Variants in ADAM19 observed in about 807,000 individuals in gnomAD.
ADAM19 encodes ADAM metallopeptidase domain 19.
Under a neutral mutation model 114.7 loss-of-function variants are expected in ADAM19, and 65 were observed. That is an observed-to-expected ratio of 0.57 (90% CI 0.46 to 0.70). The LOEUF is 0.70. ADAM19 is among the 30% of genes least tolerant of loss of function. The pLI is 0.00. For synonymous variants in ADAM19, 466 were observed against 460.5 expected, an observed-to-expected ratio of 1.01 and a Z score of -0.15; for missense variants, 1,063 against 1,204.7, an observed-to-expected ratio of 0.88 and a Z score of 1.74.
At chr5:157,516,852 A>T (rs1581320286) in intron 7 of ADAM19, among the ~76,000 whole-genome samples, 1 of 152,162 alleles carries the variant, frequency 6.6e-6, no homozygotes, top group East Asian at 1.9e-4. Context: ...GCTGGCTTTT[A>T]AACCAGCTTT....
chr5:157,486,601 C>A (rs1754941125), intron 21 of ADAM19, among the ~76,000 whole-genome samples: 1 of 152,102 alleles, frequency 6.6e-6, no homozygotes, highest in African/African-American at 2.4e-5. Flanking sequence ...AGGGGTGAGG[C>A]TGGCCCCGTG....
At chr5:157,481,991 A>G in intron 21 of ADAM19, 48 bp from the exon 22 acceptor site, 1 of 1,425,530 alleles carries the variant, frequency 7.0e-7, no homozygotes, top group South Asian at 1.4e-5. Flanking sequence ...GGCCTGTTTG[A>G]AAGAAAATAT....
chr5:157,569,185 T>C (rs1212608635), intron 2 of ADAM19: 1 of 151,976 alleles, frequency 6.6e-6, no homozygotes, highest in Non-Finnish European at 1.5e-5. Flanking sequence ...ATGAATTCCA[T>C]GCGTTTACTG....
In ADAM19 at chr5:157,480,721, A is replaced by G. The variant is rs1402345987; in HGVS notation, c.*228T>C. The G allele has an allele frequency of 1.5e-6, 2 of 1,378,704 alleles. No individual in the cohort carries two copies. Among genetic ancestry groups the G allele is most frequent in the African/African-American group, 2.9e-5 (2 of 68,186 alleles). The allele number at this position is 1,378,704 out of a possible 1,614,324, so 85.4% of individuals were successfully genotyped here. A position where few individuals can be genotyped will look rare whatever the true frequency, so the allele number is the denominator to read the frequency against. Reference sequence around the variant, plus strand: ...CTCCCCTCCCTACCTGGGGCTGTATATTGCACAAAACAACACCTAGAGGCC... The same window carrying G: ...CTCCCCTCCCTACCTGGGGCTGTATGTTGCACAAAACAACACCTAGAGGCC... On this transcript the variant is annotated 3_prime_UTR_variant, in exon 23 of 23. Transcript: ENST00000257527.
At chr5:157,570,751 G>A (rs2113801351) in intron 2 of ADAM19, 144 bp downstream of exon 2, 1 of 626,682 alleles carries the variant, frequency 1.6e-6, no homozygotes, top group South Asian at 2.0e-5. Flanking sequence ...TCCCATCTGT[G>A]ATCTCCAAAA....
chr5:157,522,480 C>T (rs2113744697), intron 5 of ADAM19, among the ~76,000 whole-genome samples: 1 of 152,278 alleles, frequency 6.6e-6, no homozygotes, highest in South Asian at 2.1e-4. Context: ...CCTTCCACTG[C>T]CTCAATCATG....
At chr5:157,559,804 G>A (rs1427192891) in intron 3 of ADAM19, among the ~76,000 whole-genome samples, 1 of 152,154 alleles carries the variant, frequency 6.6e-6, no homozygotes, top group Non-Finnish European at 1.5e-5. Context: ...GCCTGAACCT[G>A]CGGGTTCTGA....
intron 1 of ADAM19, among the ~76,000 whole-genome samples, chr5:157,573,741 GA>G (rs72337429): frequency 0.015 from 1,949 of 128,684 alleles, 30 homozygotes; most frequent in African/African-American, 0.036. Context: ...TAGAGACTCT[GA>G]AAAAAAAAAA....
intron 13 of ADAM19, among the ~76,000 whole-genome samples, chr5:157,498,143 C>A (rs1326474454): frequency 6.6e-6 from 1 of 152,224 alleles, no homozygotes; most frequent in Non-Finnish European, 1.5e-5. Flanking sequence ...CTCCCCTGCT[C>A]CTGGGCCACT....
intron 21 of ADAM19, among the ~76,000 whole-genome samples, chr5:157,484,142 T>A (rs1474358753): frequency 6.6e-6 from 1 of 152,174 alleles, no homozygotes; most frequent in Middle Eastern, 3.2e-3. Flanking sequence ...GACTACCTTA[T>A]TTAAAATTAC....
intron 22 of ADAM19, 148 bp from the exon 23 acceptor site, chr5:157,481,150 C>T: frequency 9.8e-7 from 1 of 1,021,152 alleles, no homozygotes. Flanking sequence ...CATGTGTCCA[C>T]TCACCCAGAC....
chr5:157,522,397 A>T (rs1756324305), intron 5 of ADAM19, among the ~76,000 whole-genome samples: 1 of 152,228 alleles, frequency 6.6e-6, no homozygotes, highest in Admixed American at 6.5e-5. Context: ...AGATCAGCCT[A>T]TCACCTAGGT....
intron 13 of ADAM19, 87 bp from the exon 14 acceptor site, chr5:157,497,176 T>C (rs897532321): frequency 2.2e-5 from 27 of 1,220,082 alleles, no homozygotes; most frequent in Non-Finnish European, 2.8e-5. Context: ...ATCACTCTCA[T>C]AGAACAGAAT....
At chr5:157,531,608 G>A (rs1176585887) in intron 4 of ADAM19, among the ~76,000 whole-genome samples, 6 of 151,916 alleles carry the variant, frequency 3.9e-5, no homozygotes, top group Non-Finnish European at 4.4e-5. Flanking sequence ...TGGAGGCTGC[G>A]GTGAGCCAAG....
intron 5 of ADAM19, among the ~76,000 whole-genome samples, chr5:157,526,611 T>C (rs1388670898): frequency 6.8e-6 from 1 of 146,258 alleles, no homozygotes; most frequent in Non-Finnish European, 1.5e-5. Context: ...TGCCACATCT[T>C]TTTATTGGTG....
chr5:157,516,455 A>G (rs1756092015), intron 7 of ADAM19, among the ~76,000 whole-genome samples: 2 of 152,116 alleles, frequency 1.3e-5, no homozygotes, highest in South Asian at 4.1e-4. Context: ...CAGGAGATAG[A>G]AGATGCCTAA....
chr5:157,537,415 A>T (rs1409569347), intron 4 of ADAM19, among the ~76,000 whole-genome samples: 3 of 152,396 alleles, frequency 2.0e-5, no homozygotes, highest in Admixed American at 6.5e-5. Context: ...AAAATGTCCA[A>T]TATGAATATA....
chr5:157,534,956 G>C (rs987299955), intron 4 of ADAM19, among the ~76,000 whole-genome samples: 1 of 152,180 alleles, frequency 6.6e-6, no homozygotes, highest in African/African-American at 2.4e-5. Context: ...AAGGAGACAA[G>C]TTCTAGCCTA....
chr5:157,485,902 GAC>G (rs750402376), intron 21 of ADAM19, among the ~76,000 whole-genome samples: 3 of 152,210 alleles, frequency 2.0e-5, no homozygotes, highest in Non-Finnish European at 4.4e-5. Context: ...CTGTTGCAGT[GAC>G]ACATATCCCA....
Sources: gnomAD v4.1 joint callset for allele counts (sites outside exome capture counted in the v4.1 genomes callset) on GRCh38, gnomAD v4.1.1 for gene constraint, MANE v1.5 for transcripts, NCBI Gene and HGNC (gene_info 2026-07-23, HGNC 2026-07-21) for gene names.